REEP3: variants seen among roughly 807,000 people sequenced by gnomAD.
REEP3 encodes receptor accessory protein 3.
A neutral mutation model predicts 41.3 loss-of-function variants in REEP3; 20 were observed. The ratio of observed to expected loss-of-function variants is 0.48; its 90% CI spans 0.34 to 0.70. The LOEUF is 0.70. Ranked by LOEUF, REEP3 falls within the 30% of genes least tolerant of loss-of-function variation. The pLI is 0.01. For synonymous variants in REEP3, 104 were observed against 101.8 expected, an observed-to-expected ratio of 1.02 and a Z score of -0.13; for missense variants, 271 against 308.8, an observed-to-expected ratio of 0.88 and a Z score of 0.92.
chr10:63,597,129 G>A (rs9804238), intron 3 of REEP3, among the ~76,000 whole-genome samples: 99,685 of 151,988 alleles, frequency 0.66, 33,468 homozygotes, highest in East Asian at 0.97. Flanking sequence ...TAAAGCCACA[G>A]TCATTGGTTG....
At chr10:63,604,800 C>A (rs1004024415) in intron 5 of REEP3, among the ~76,000 whole-genome samples, 1 of 152,144 alleles carries the variant, frequency 6.6e-6, no homozygotes, top group African/African-American at 2.4e-5. Context: ...GATTCCACCA[C>A]AAATTAGCCA....
intron 1 of REEP3, among the ~76,000 whole-genome samples, chr10:63,543,657 AT>A (rs1158638214): frequency 1.3e-5 from 2 of 152,082 alleles, no homozygotes; most frequent in African/African-American, 2.4e-5. Flanking sequence ...AAAGAAAGGG[AT>A]TTTTTTCTTT....
intron 1 of REEP3, among the ~76,000 whole-genome samples, chr10:63,562,075 GT>G (rs1023854995): frequency 5.3e-5 from 8 of 152,092 alleles, no homozygotes; most frequent in African/African-American, 1.4e-4. Flanking sequence ...ACTCTAGTTA[GT>G]TTTTCCTTAG....
intron 2 of REEP3, among the ~76,000 whole-genome samples, chr10:63,583,974 TATC>T (rs1955979604): frequency 6.6e-6 from 1 of 152,158 alleles, no homozygotes; most frequent in Admixed American, 6.5e-5. Flanking sequence ...TTAAATTAAT[TATC>T]ATCTAATTTT....
chr10:63,526,017 G>A (rs1249521942), intron 1 of REEP3, among the ~76,000 whole-genome samples: 1 of 152,260 alleles, frequency 6.6e-6, no homozygotes, highest in African/African-American at 2.4e-5. Context: ...GTAAATGCTA[G>A]TAGTAGTTAT....
intron 5 of REEP3, among the ~76,000 whole-genome samples, chr10:63,603,193 G>A (rs1005454198): frequency 5.3e-5 from 8 of 151,238 alleles, no homozygotes; most frequent in South Asian, 2.1e-4. Context: ...GGTGCCTGTA[G>A]TCCCAGCAAC....
Position 63,620,876 on chromosome 10 carries a change from A to G in REEP3, c.*7A>G, listed in dbSNP as rs764517455. 6.3e-7 allele frequency: 1 copy of G among 1,591,736 alleles called. No individual in the cohort carries two copies. Among genetic ancestry groups the G allele is most frequent in the Non-Finnish European group, 8.6e-7 (1 of 1,161,692 alleles). ...ACCACAAGTGTATTTTTAGTCATCTACACGTCAAATATCCCAAGACAGATT... is the reference window on the plus strand; with the variant it reads ...ACCACAAGTGTATTTTTAGTCATCTGCACGTCAAATATCCCAAGACAGATT... On this transcript the variant is annotated 3_prime_UTR_variant, in exon 8 of 8. Coordinates refer to ENST00000373758, the MANE Select transcript of REEP3 (RefSeq NM_001001330.3).
At chr10:63,536,720 G>A (rs1955478012) in intron 1 of REEP3, among the ~76,000 whole-genome samples, 2 of 152,132 alleles carry the variant, frequency 1.3e-5, no homozygotes, top group Non-Finnish European at 2.9e-5. Flanking sequence ...TCTCATAGAA[G>A]AGGAAACCAA....
intron 6 of REEP3, 86 bp from the exon 7 acceptor site, chr10:63,619,569 C>G (rs1956337290): frequency 2.5e-6 from 3 of 1,200,890 alleles, no homozygotes; most frequent in Non-Finnish European, 3.5e-6. Context: ...GCAAACCATA[C>G]AAAGAACTGT....
At chr10:63,585,545 G>T (rs930018556) in intron 2 of REEP3, among the ~76,000 whole-genome samples, 1 of 152,034 alleles carries the variant, frequency 6.6e-6, no homozygotes, top group South Asian at 2.1e-4. Context: ...AGCTTTGTGG[G>T]TGTAGGAAAA....
chr10:63,548,592 A>G (rs1425061585), intron 1 of REEP3, among the ~76,000 whole-genome samples: 1 of 152,154 alleles, frequency 6.6e-6, no homozygotes, highest in Non-Finnish European at 1.5e-5. Context: ...GCCTAATGAG[A>G]AACTGATTTT....
chr10:63,617,881 G>A (rs1956324157), intron 6 of REEP3, among the ~76,000 whole-genome samples: 1 of 142,834 alleles, frequency 7.0e-6, no homozygotes, highest in Non-Finnish European at 1.5e-5. Context: ...CTGGAGTGCA[G>A]TGGTGCAATC....
chr10:63,615,331 T>G (rs1442745553), intron 6 of REEP3, among the ~76,000 whole-genome samples: 1 of 151,686 alleles, frequency 6.6e-6, no homozygotes. Flanking sequence ...ACAGAAAATG[T>G]TTTTTTTGTT....
intron 1 of REEP3, among the ~76,000 whole-genome samples, chr10:63,553,474 T>G (rs1284918420): frequency 1.3e-5 from 2 of 152,184 alleles, no homozygotes; most frequent in Admixed American, 1.3e-4. Context: ...AAAGATTGTT[T>G]GAAAGCAAAA....
intron 2 of REEP3, among the ~76,000 whole-genome samples, chr10:63,575,269 TTA>T (rs1955888453): frequency 6.6e-6 from 1 of 152,192 alleles, no homozygotes; most frequent in African/African-American, 2.4e-5. Context: ...GCTGAAGCCA[TTA>T]TGATTCTTAC....
At chr10:63,545,224 A>C (rs1321215498) in intron 1 of REEP3, among the ~76,000 whole-genome samples, 1 of 152,226 alleles carries the variant, frequency 6.6e-6, no homozygotes, top group East Asian at 1.9e-4. Flanking sequence ...ACATACAGTG[A>C]ACAGATTAAT....
chr10:63,556,685 G>A (rs372989172), intron 1 of REEP3, among the ~76,000 whole-genome samples: 1 of 129,262 alleles, frequency 7.7e-6, no homozygotes, highest in African/African-American at 2.9e-5. Flanking sequence ...GCCCAGGCTG[G>A]AGTGCAGTGG....
At chr10:63,592,377 G>C (rs573599613) in intron 2 of REEP3, among the ~76,000 whole-genome samples, 1 of 152,272 alleles carries the variant, frequency 6.6e-6, no homozygotes, top group East Asian at 1.9e-4. Flanking sequence ...AGAGTCTAGG[G>C]CAGTATAAAT....
At chr10:63,565,844 G>C (rs1332653832) in intron 1 of REEP3, among the ~76,000 whole-genome samples, 1 of 149,744 alleles carries the variant, frequency 6.7e-6, no homozygotes, top group African/African-American at 2.5e-5. Context: ...AAAAAATAAA[G>C]TTTTTATTTT....
Sources: gnomAD v4.1 joint callset for allele counts (sites outside exome capture counted in the v4.1 genomes callset) on GRCh38, gnomAD v4.1.1 for gene constraint, MANE v1.5 for transcripts, NCBI Gene and HGNC (gene_info 2026-07-23, HGNC 2026-07-21) for gene names.